RNF150: variants seen among roughly 807,000 people sequenced by gnomAD.
RNF150 encodes the protein ring finger protein 150.
In RNF150, 24 loss-of-function variants were observed where a neutral mutation model predicts 39.3. The observed-to-expected ratio is 0.61, with a 90% CI of 0.44 to 0.86. The LOEUF (loss-of-function observed/expected upper bound fraction) is 0.86. Among genes scored for constraint, RNF150 ranks in the 40% least tolerant of loss-of-function variants. The pLI is 0.00. For synonymous variants in RNF150, 255 were observed against 227.3 expected, an observed-to-expected ratio of 1.12 and a Z score of -1.10; for missense variants, 502 against 587.8, an observed-to-expected ratio of 0.85 and a Z score of 1.51.
rs537952012 is a variant in RNF150 at position 140,912,799 on chromosome 4, G to A, written c.988-1445C>T. 9.2e-5 allele frequency among the ~76,000 whole-genome samples: 14 copies of A among 152,186 alleles called. No individual in the cohort carries two copies. The East Asian group carries it at 2.1e-3, about 23-fold the overall frequency. On this transcript the variant is annotated intron_variant, in intron 5 of 6. Transcript: ENST00000515673. ...ACTGAAACTCAATCTGTCAAAAGTC[G>A]ATTCATAGAATGACCAATTCACTGA...
At chr4:141,208,199 A>C (rs952232540) in intron 1 of RNF150, among the ~76,000 whole-genome samples, 2 of 152,294 alleles carry the variant, frequency 1.3e-5, no homozygotes, top group Non-Finnish European at 2.9e-5. Flanking sequence ...TCCAAATCTC[A>C]TGTGACTGCC....
At chr4:141,208,751 T>G (rs1728416482) in intron 1 of RNF150, among the ~76,000 whole-genome samples, 1 of 152,186 alleles carries the variant, frequency 6.6e-6, no homozygotes, top group African/African-American at 2.4e-5. Flanking sequence ...ACTTGCAGAC[T>G]AACAAGTTTG....
At chr4:141,161,605 G>A (rs1299195082) in intron 1 of RNF150, among the ~76,000 whole-genome samples, 2 of 152,212 alleles carry the variant, frequency 1.3e-5, no homozygotes, top group Non-Finnish European at 2.9e-5. Flanking sequence ...ACAAACTTTT[G>A]TCGCAACCCC....
intron 1 of RNF150, among the ~76,000 whole-genome samples, chr4:141,059,817 G>A (rs1369950434): frequency 6.6e-6 from 1 of 151,810 alleles, no homozygotes; most frequent in Non-Finnish European, 1.5e-5. Context: ...TTATATTTCT[G>A]GTTTCTAATA....
chr4:141,193,968 C>G (rs1728157371), intron 1 of RNF150, among the ~76,000 whole-genome samples: 1 of 152,188 alleles, frequency 6.6e-6, no homozygotes, highest in South Asian at 2.1e-4. Flanking sequence ...ATGACTACAT[C>G]TGTGTGTGCT....
intron 1 of RNF150, among the ~76,000 whole-genome samples, chr4:141,019,014 G>C (rs963694921): frequency 2.1e-5 from 3 of 139,662 alleles, no homozygotes; most frequent in African/African-American, 8.1e-5. Flanking sequence ...ATTCTTTGAA[G>C]GCAATCTTAC....
chr4:141,175,643 T>C (rs140785465), intron 1 of RNF150, among the ~76,000 whole-genome samples: 139 of 152,352 alleles, frequency 9.1e-4, no homozygotes, highest in African/African-American at 3.2e-3. Context: ...AAAGAGGTCA[T>C]GATTGATTGC....
At chr4:140,904,260 CTTTG>C (rs1161566622) in intron 6 of RNF150, among the ~76,000 whole-genome samples, 8 of 152,098 alleles carry the variant, frequency 5.3e-5, no homozygotes, top group African/African-American at 1.9e-4. Context: ...TCTTCAAATG[CTTTG>C]TTTTATACAG....
At chr4:141,009,883 C>T (rs1359840495) in intron 1 of RNF150, among the ~76,000 whole-genome samples, 2 of 152,188 alleles carry the variant, frequency 1.3e-5, no homozygotes, top group East Asian at 1.9e-4. Flanking sequence ...GGTATCTCTG[C>T]TCCTCTGCCT....
intron 1 of RNF150, among the ~76,000 whole-genome samples, chr4:141,053,145 C>T (rs12643204): frequency 0.21 from 31,355 of 152,020 alleles, 3,314 homozygotes; most frequent in Middle Eastern, 0.29. Flanking sequence ...ATCAGTTTTC[C>T]GCTGAAAATA....
chr4:141,169,455 C>G (rs1257227476), intron 1 of RNF150, among the ~76,000 whole-genome samples: 1 of 152,104 alleles, frequency 6.6e-6, no homozygotes, highest in African/African-American at 2.4e-5. Flanking sequence ...CAAATACAAT[C>G]AATACATAAC....
chr4:140,991,144 C>T (rs1354804813), intron 1 of RNF150, among the ~76,000 whole-genome samples: 1 of 152,052 alleles, frequency 6.6e-6, no homozygotes, highest in East Asian at 1.9e-4. Flanking sequence ...TGTATGTCTT[C>T]TTTTGAGAAG....
chr4:141,091,088 C>T (rs1738562759), intron 1 of RNF150, among the ~76,000 whole-genome samples: 2 of 152,106 alleles, frequency 1.3e-5, no homozygotes, highest in Non-Finnish European at 2.9e-5. Flanking sequence ...ATAGTAAAGG[C>T]GATTGAGGTC....
intron 1 of RNF150, among the ~76,000 whole-genome samples, chr4:141,187,889 A>C (rs1355256643): frequency 1.3e-5 from 2 of 152,180 alleles, no homozygotes; most frequent in African/African-American, 4.8e-5. Context: ...ATCCTGTCTC[A>C]TGATGTTAGC....
intron 1 of RNF150, among the ~76,000 whole-genome samples, chr4:141,154,120 C>G (rs1727344829): frequency 6.6e-6 from 1 of 152,174 alleles, no homozygotes; most frequent in Admixed American, 6.5e-5. Context: ...AAATGGCACT[C>G]AGTAAGACTT....
At chr4:141,016,127 C>T (rs1361240042) in intron 1 of RNF150, among the ~76,000 whole-genome samples, 2 of 152,126 alleles carry the variant, frequency 1.3e-5, no homozygotes, top group African/African-American at 4.8e-5. Context: ...CCCTTTAGTC[C>T]ATTTCTTTTT....
intron 1 of RNF150, among the ~76,000 whole-genome samples, chr4:141,140,486 T>C (rs1439996903): frequency 1.3e-5 from 2 of 152,234 alleles, no homozygotes; most frequent in Non-Finnish European, 2.9e-5. Context: ...CTCACCACAA[T>C]ACATCTGTTT....
intron 1 of RNF150, among the ~76,000 whole-genome samples, chr4:141,048,487 T>C (rs192285416): frequency 1.3e-5 from 2 of 152,024 alleles, no homozygotes; most frequent in African/African-American, 2.4e-5. Flanking sequence ...TCCCAACACT[T>C]TGGGAGAACA....
intron 1 of RNF150, among the ~76,000 whole-genome samples, chr4:141,035,939 T>A (rs955392511): frequency 6.6e-6 from 1 of 152,046 alleles, no homozygotes; most frequent in African/African-American, 2.4e-5. Flanking sequence ...AAAAGCTGCA[T>A]CTCTGAGGTT....
Sources: allele counts gnomAD v4.1 joint callset (sites outside exome capture counted in the v4.1 genomes callset), GRCh38; gene constraint gnomAD v4.1.1; transcripts MANE v1.5; gene names NCBI Gene and HGNC (gene_info 2026-07-23, HGNC 2026-07-21).